Variants in REPS2 observed in about 807,000 individuals in gnomAD.
REPS2 encodes the protein RALBP1 associated Eps domain containing 2, also known as ralBP1-associated Eps domain-containing protein 2.
Under a neutral mutation model 53.6 loss-of-function variants are expected in REPS2, and 23 were observed. That is an observed-to-expected ratio of 0.43 (90% CI 0.31 to 0.61). REPS2 has a LOEUF of 0.61. REPS2 is among the 20% of genes least tolerant of loss of function. REPS2 has a pLI of 0.11. For synonymous variants in REPS2, 238 were observed against 218.6 expected (o/e 1.09, Z -0.78); for missense variants, 446 against 534.9 (o/e 0.83, Z 1.64).
chrX:17,046,240 T>TTCTGCCTCCCAGGTTCAACC (rs770495112), intron 5 of REPS2, among the ~76,000 whole-genome samples: 1 of 108,971 alleles, frequency 9.2e-6, no homozygotes, highest in Non-Finnish European at 1.9e-5. Flanking sequence ...CAGGTTCAAC[T>TTCTGCCTCCCAGGTTCAACC]TCTGCCTCCC....
intron 5 of REPS2, among the ~76,000 whole-genome samples, chrX:17,034,029 CGTAA>C (rs2061737640): frequency 8.9e-6 from 1 of 111,928 alleles, no homozygotes; most frequent in Non-Finnish European, 1.9e-5. Flanking sequence ...GAACGTGAAA[CGTAA>C]GTGTTTTCTG....
At chrX:17,165,687 C>T in the REPS2 span, among the ~76,000 whole-genome samples, 3 of 110,970 alleles carry the variant, frequency 2.7e-5, no homozygotes, top group Non-Finnish European at 5.7e-5. Context: ...AGCATCATGC[C>T]AGGGAGGTTG....
At chrX:16,947,174 C>A in intron 1 of REPS2, 40 bp downstream of exon 1, 1 of 998,949 alleles carries the variant, frequency 1.0e-6, no homozygotes. Context: ...GTCTGTGGGG[C>A]AGTGTGTGCG....
the REPS2 span, among the ~76,000 whole-genome samples, chrX:17,182,268 G>C: frequency 9.0e-6 from 1 of 110,648 alleles, no homozygotes; most frequent in Non-Finnish European, 1.9e-5. Flanking sequence ...CCGTGTGGCT[G>C]ACATGTTGGA....
intron 14 of REPS2, among the ~76,000 whole-genome samples, chrX:17,127,348 T>C (rs764236928): frequency 5.3e-5 from 6 of 112,598 alleles, no homozygotes; most frequent in African/African-American, 1.9e-4. Flanking sequence ...GATTGATTCC[T>C]TACTTAAAAT....
At chrX:17,039,451 G>A (rs1205510366) in intron 5 of REPS2, among the ~76,000 whole-genome samples, 2 of 112,099 alleles carry the variant, frequency 1.8e-5, no homozygotes, top group Non-Finnish European at 3.8e-5. Flanking sequence ...CAAAAATTAT[G>A]TGAGAAATAA....
intron 2 of REPS2, among the ~76,000 whole-genome samples, chrX:17,015,417 T>C (rs996703479): frequency 3.6e-5 from 4 of 111,856 alleles, no homozygotes; most frequent in Non-Finnish European, 7.5e-5. Flanking sequence ...AATTTTATTT[T>C]ATTATTATTA....
At chrX:17,130,895 A>G (rs1262131829) in intron 14 of REPS2, among the ~76,000 whole-genome samples, 1 of 112,116 alleles carries the variant, frequency 8.9e-6, no homozygotes, top group Non-Finnish European at 1.9e-5. Context: ...TAGGGCTGTG[A>G]TGATGAATTG....
At chrX:17,092,058 G>C (rs2062622607) in intron 13 of REPS2, among the ~76,000 whole-genome samples, 1 of 111,444 alleles carries the variant, frequency 9.0e-6, no homozygotes, top group Non-Finnish European at 1.9e-5. Flanking sequence ...TTCCTAGTTA[G>C]GGGGGATGGG....
intron 1 of REPS2, among the ~76,000 whole-genome samples, chrX:16,950,380 C>T (rs944992774): frequency 2.7e-5 from 3 of 111,941 alleles, no homozygotes; most frequent in African/African-American, 9.8e-5. Flanking sequence ...AGGAGATAAG[C>T]TTTTGACTCA....
chrX:17,046,226 C>T (rs2061904246), intron 5 of REPS2, among the ~76,000 whole-genome samples: 1 of 108,282 alleles, frequency 9.2e-6, no homozygotes, highest in African/African-American at 3.4e-5. Context: ...GCGACCTCTG[C>T]TCCCAGGTTC....
chrX:17,184,027 TTTC>T, the REPS2 span, among the ~76,000 whole-genome samples: 2 of 110,716 alleles, frequency 1.8e-5, no homozygotes, highest in Admixed American at 9.5e-5. Context: ...ATCCTCTTTG[TTTC>T]TTTTTTTTTT....
chrX:17,185,756 C>T, the REPS2 span, among the ~76,000 whole-genome samples: 6 of 111,462 alleles, frequency 5.4e-5, no homozygotes, highest in East Asian at 2.8e-4. Flanking sequence ...AAATCTGTCA[C>T]GTTCTGTAAG....
the REPS2 span, among the ~76,000 whole-genome samples, chrX:17,190,073 G>A: frequency 8.9e-6 from 1 of 112,146 alleles, no homozygotes; most frequent in Admixed American, 9.5e-5. Context: ...TGCCGTATGG[G>A]AGATGGACAA....
chrX:16,994,295 G>A (rs1348508673), intron 1 of REPS2, among the ~76,000 whole-genome samples: 1 of 111,284 alleles, frequency 9.0e-6, no homozygotes, highest in African/African-American at 3.3e-5. Flanking sequence ...TATTTTATAT[G>A]TGTGTGTGTA....
At chrX:17,074,309 T>C in intron 12 of REPS2, 150 bp downstream of exon 12, 1 of 510,160 alleles carries the variant, frequency 2.0e-6, no homozygotes, top group Non-Finnish European at 3.4e-6. Flanking sequence ...CATGGCCTGA[T>C]GGGAACATGC....
the REPS2 span, among the ~76,000 whole-genome samples, chrX:17,173,706 T>C: frequency 8.9e-6 from 1 of 112,217 alleles, no homozygotes; most frequent in Admixed American, 9.4e-5. Context: ...ATGAATCCCT[T>C]ATATTTGAAC....
At chrX:17,183,319 G>T in the REPS2 span, among the ~76,000 whole-genome samples, 37 of 111,947 alleles carry the variant, frequency 3.3e-4, no homozygotes, top group Non-Finnish European at 6.0e-4. Context: ...AAACCTGTAT[G>T]AAATATGAAG....
intron 14 of REPS2, among the ~76,000 whole-genome samples, chrX:17,124,891 C>G (rs1359452192): frequency 2.0e-5 from 2 of 98,190 alleles, no homozygotes; most frequent in African/African-American, 7.7e-5. Context: ...GAGTCTTGCT[C>G]TGTCACCCAG....
Sources: allele counts gnomAD v4.1 joint callset (sites outside exome capture counted in the v4.1 genomes callset), GRCh38; gene constraint gnomAD v4.1.1; transcripts MANE v1.5; gene names NCBI Gene and HGNC (gene_info 2026-07-23, HGNC 2026-07-21).